The following PLPP4 variants were observed in gnomAD, a reference collection of about 807,000 sequenced individuals.
PLPP4 encodes diacylglycerol pyrophosphate like 2.
Under a neutral mutation model 32.2 loss-of-function variants are expected in PLPP4, and 20 were observed. That is an observed-to-expected ratio of 0.62 (90% CI 0.44 to 0.90). PLPP4 has a LOEUF of 0.90. Ranked by LOEUF, PLPP4 falls within the 40% of genes least tolerant of loss-of-function variation. The pLI is 0.00. For missense variants in PLPP4, 257 were observed against 353.1 expected, an observed-to-expected ratio of 0.73 and a Z score of 2.18; for synonymous variants, 127 against 133.0, an observed-to-expected ratio of 0.95 and a Z score of 0.31.
chr10:120,507,725 T>G, intron 2 of PLPP4, among the ~76,000 whole-genome samples: 1 of 151,386 alleles, frequency 6.6e-6, no homozygotes, highest in Non-Finnish European at 1.5e-5. Context: ...TCAATAGGAG[T>G]TTGTTTGGAG....
intron 5 of PLPP4, among the ~76,000 whole-genome samples, chr10:120,524,741 G>C (rs1405500928): frequency 6.6e-6 from 1 of 152,154 alleles, no homozygotes; most frequent in African/African-American, 2.4e-5. Context: ...TGGAAAAGCA[G>C]AGACCACAAT....
intron 6 of PLPP4, among the ~76,000 whole-genome samples, chr10:120,586,217 C>T (rs1849751098): frequency 6.6e-6 from 1 of 151,054 alleles, no homozygotes; most frequent in Non-Finnish European, 1.5e-5. Flanking sequence ...TCACTGCAAC[C>T]TCCACCTCCC....
intron 1 of PLPP4, among the ~76,000 whole-genome samples, chr10:120,463,312 C>T (rs1308448451): frequency 6.6e-6 from 1 of 152,162 alleles, no homozygotes; most frequent in East Asian, 1.9e-4. Context: ...AGGCGTGAGC[C>T]ACCGTGCCCG....
chr10:120,458,924 G>T (rs1847914719), intron 1 of PLPP4, among the ~76,000 whole-genome samples: 1 of 152,206 alleles, frequency 6.6e-6, no homozygotes, highest in Non-Finnish European at 1.5e-5. Context: ...AATGTAGGAA[G>T]AATGCTGAGA....
Position 120,553,083 on chromosome 10 carries a change from A to T in PLPP4, c.446-22048A>T, listed in dbSNP as rs142181459. 1.1e-3 allele frequency among the ~76,000 whole-genome samples: 170 copies of T among 152,330 alleles called. 1 individual carries two copies. Among genetic ancestry groups the T allele is most frequent in the African/African-American group, 3.6e-3 (151 of 41,578 alleles). ...AAAGCAGCATGATATGAAAGAAAAT[A>T]TGTAGTAATGAATTGAGCACTTCCA... is the stretch of plus-strand genomic sequence containing the variant. On this transcript the variant is annotated intron_variant, in intron 5 of 6. Coordinates refer to ENST00000398250, the MANE Select transcript of PLPP4 (RefSeq NM_001030059.3).
chr10:120,533,849 T>A (rs1157753103), intron 5 of PLPP4, among the ~76,000 whole-genome samples: 1 of 152,096 alleles, frequency 6.6e-6, no homozygotes, highest in Non-Finnish European at 1.5e-5. Flanking sequence ...TACCATCTGG[T>A]TTCATTTCCT....
At chr10:120,481,029 C>T (rs930289082) in intron 1 of PLPP4, among the ~76,000 whole-genome samples, 1 of 152,218 alleles carries the variant, frequency 6.6e-6, no homozygotes, top group African/African-American at 2.4e-5. Context: ...TTAAGGACTC[C>T]TGGTGGGCAG....
intron 3 of PLPP4, among the ~76,000 whole-genome samples, chr10:120,518,223 G>A (rs1229001382): frequency 1.3e-5 from 2 of 152,198 alleles, no homozygotes; most frequent in Non-Finnish European, 2.9e-5. Context: ...ATGTATCCCA[G>A]AAGTTCTTGC....
intron 5 of PLPP4, among the ~76,000 whole-genome samples, chr10:120,522,586 C>T (rs1312129889): frequency 3.3e-5 from 5 of 152,234 alleles, no homozygotes; most frequent in East Asian, 1.9e-4. Context: ...AAGTAAATAA[C>T]AAATTTTCTT....
At chr10:120,471,903 T>C (rs1195043325) in intron 1 of PLPP4, among the ~76,000 whole-genome samples, 3 of 152,050 alleles carry the variant, frequency 2.0e-5, no homozygotes, top group Admixed American at 2.0e-4. Context: ...TTAAAAATTT[T>C]AGTAGTTTAT....
chr10:120,519,636 A>G (rs1413193305), intron 4 of PLPP4, among the ~76,000 whole-genome samples: 1 of 152,064 alleles, frequency 6.6e-6, no homozygotes, highest in Non-Finnish European at 1.5e-5. Flanking sequence ...GTTCTGGTGC[A>G]TTAGGTGGAC....
At chr10:120,523,689 G>A (rs1223023473) in intron 5 of PLPP4, among the ~76,000 whole-genome samples, 2 of 151,886 alleles carry the variant, frequency 1.3e-5, no homozygotes, top group African/African-American at 2.4e-5. Context: ...TCTCCCTCCT[G>A]TCACTTTCTG....
intron 5 of PLPP4, among the ~76,000 whole-genome samples, chr10:120,539,977 C>T (rs566594620): frequency 6.7e-6 from 1 of 149,246 alleles, no homozygotes; most frequent in South Asian, 2.2e-4. Flanking sequence ...CTCCACAGAT[C>T]CCAAGGTGAT....
chr10:120,552,092 T>G (rs1479072262), intron 5 of PLPP4, among the ~76,000 whole-genome samples: 3 of 151,958 alleles, frequency 2.0e-5, no homozygotes, highest in African/African-American at 4.8e-5. Context: ...AATTAGTAGC[T>G]TCCTTATAAA....
At chr10:120,541,780 CT>C (rs5788428) in intron 5 of PLPP4, among the ~76,000 whole-genome samples, 6 of 146,612 alleles carry the variant, frequency 4.1e-5, no homozygotes, top group African/African-American at 2.5e-5. Flanking sequence ...TTAAGTCATT[CT>C]TTTTTTTTTT....
At chr10:120,535,015 T>C (rs1751260095) in intron 5 of PLPP4, among the ~76,000 whole-genome samples, 1 of 152,172 alleles carries the variant, frequency 6.6e-6, no homozygotes, top group Non-Finnish European at 1.5e-5. Context: ...TTTCTTTGCA[T>C]GTCTCATTTT....
intron 1 of PLPP4, among the ~76,000 whole-genome samples, chr10:120,458,561 A>G (rs1018449091): frequency 7.2e-5 from 11 of 152,082 alleles, no homozygotes; most frequent in African/African-American, 2.7e-4. Flanking sequence ...TTTCTTTAGC[A>G]GGGATTAAAT....
At position 120,589,619 on chromosome 10, in the gene PLPP4, C is replaced by T. The variant is rs778800225; in HGVS notation, c.*117C>T. The T allele has an allele frequency of 5.3e-6, 4 of 758,488 alleles. No homozygotes were observed. The highest frequency in any genetic ancestry group is 2.9e-5 in the Admixed American group (1 of 34,890). The allele number at this position is 758,488 out of a possible 1,614,324, so 47.0% of individuals were successfully genotyped here. A position where few individuals can be genotyped will look rare whatever the true frequency, so the allele number is the denominator to read the frequency against. On this transcript the variant is annotated 3_prime_UTR_variant, in exon 7 of 7. Coordinates refer to ENST00000398250, the MANE Select transcript of PLPP4 (RefSeq NM_001030059.3). ...TTCATCAGTTGTTTCTCAAAGTCATCGTACTTCTGCTTCTGTTTCACTGAT... is the reference window on the plus strand; with the variant it reads ...TTCATCAGTTGTTTCTCAAAGTCATTGTACTTCTGCTTCTGTTTCACTGAT...
At position 120,520,882 on chromosome 10, in the gene PLPP4, T is replaced by TG. The variant is rs1009323041; in HGVS notation, c.321-84dup. On this transcript the variant is annotated intron_variant, in intron 4 of 6. Transcript: ENST00000398250. ...CAGCCAAGGGGGCTGAGGAAAGAGCTGGGGGCAGTGGGGAGTTGGGGGGGT... is the reference window on the plus strand; with the variant it reads ...CAGCCAAGGGGGCTGAGGAAAGAGCTGGGGGGCAGTGGGGAGTTGGGGGGGT... 1.1e-5 allele frequency: 16 copies of TG among 1,485,836 alleles called. No individual in the cohort carries two copies. The East Asian group carries it at 3.7e-4, about 34-fold the overall frequency. The allele number at this position is 1,485,836 out of a possible 1,614,324, so 92.0% of individuals were successfully genotyped here. A position where few individuals can be genotyped will look rare whatever the true frequency, so the allele number is the denominator to read the frequency against.
Sources: allele counts gnomAD v4.1 joint callset (sites outside exome capture counted in the v4.1 genomes callset), GRCh38; gene constraint gnomAD v4.1.1; transcripts MANE v1.5; gene names NCBI Gene and HGNC (gene_info 2026-07-23, HGNC 2026-07-21).